LAT2: variants seen among roughly 807,000 people sequenced by gnomAD.
LAT2 encodes the protein linker for activation of T-cells family member 2.
LAT2 carries 23 observed loss-of-function variants against 43.4 expected under a neutral mutation model. The observed-to-expected ratio is 0.53, with a 90% CI of 0.38 to 0.75. The LOEUF (loss-of-function observed/expected upper bound fraction) is 0.75. LAT2 is among the 30% of genes least tolerant of loss of function. The pLI is 0.00. For missense variants in LAT2, 284 were observed against 310.2 expected, an observed-to-expected ratio of 0.92 and a Z score of 0.64; for synonymous variants, 128 against 123.2, an observed-to-expected ratio of 1.04 and a Z score of -0.26.
At chr7:74,228,420 G>A (rs1802573848) in intron 13 of LAT2, among the ~76,000 whole-genome samples, 2 of 151,192 alleles carry the variant, frequency 1.3e-5, no homozygotes, top group African/African-American at 4.9e-5. Flanking sequence ...AGCTTGCAGT[G>A]AGCCGAGATC....
chr7:74,219,684 C>T, intron 4 of LAT2, 60 bp from the exon 5 acceptor site: 1 of 1,601,092 alleles, frequency 6.2e-7, no homozygotes, highest in Non-Finnish European at 8.6e-7. Context: ...CCCTCCTGTC[C>T]CTGTGTTCTT....
At chr7:74,219,641 C>G (rs1417341318) in intron 4 of LAT2, 103 bp from the exon 5 acceptor site, 4 of 1,421,118 alleles carry the variant, frequency 2.8e-6, no homozygotes, top group Non-Finnish European at 4.0e-6. Flanking sequence ...CAGTCCGTCC[C>G]TCTGCTTTCC....
At chr7:74,226,760 G>C (rs2116201468) in intron 13 of LAT2, among the ~76,000 whole-genome samples, 1 of 152,308 alleles carries the variant, frequency 6.6e-6, no homozygotes, top group East Asian at 1.9e-4. Flanking sequence ...AAGTAGTGTG[G>C]GGTTGTGGGC....
chr7:74,224,917 C>A (rs1217670218), intron 13 of LAT2, 157 bp downstream of exon 13: 10 of 556,240 alleles, frequency 1.8e-5, no homozygotes, highest in Non-Finnish European at 3.2e-5. Flanking sequence ...GGCAGCTTGG[C>A]GACTCTGTTC....
At chr7:74,217,698 C>T (rs1802093973) in intron 4 of LAT2, among the ~76,000 whole-genome samples, 1 of 152,174 alleles carries the variant, frequency 6.6e-6, no homozygotes, top group Admixed American at 6.5e-5. Context: ...GGGTTCGACA[C>T]TGCAGACTGG....
At position 74,214,189 on chromosome 7, in the gene LAT2, AAT is replaced by A. The variant is rs1232221215; in HGVS notation, c.-218-624_-218-623del. On this transcript the variant is annotated intron_variant, in intron 1 of 13. Transcript: ENST00000460943. ...AAATATATATATGAAAATATATATA[AAT>A]ATATATATGAAAATATATATGAAAA... 1.2e-3 allele frequency among the ~76,000 whole-genome samples: 117 copies of A among 96,444 alleles called. 2 individuals are homozygous for A. The highest frequency in any genetic ancestry group is 1.8e-3 in the Non-Finnish European group (96 of 53,330). The allele number at this position is 96,444 out of a possible 152,430, so 63.3% of individuals were successfully genotyped here.
chr7:74,222,643 G>A (rs1802331819), intron 10 of LAT2, among the ~76,000 whole-genome samples: 1 of 151,730 alleles, frequency 6.6e-6, no homozygotes. Flanking sequence ...TCACGATCTT[G>A]GTTCACTGCA....
At position 74,220,811 on chromosome 7, in the gene LAT2, CT is replaced by C. The variant is rs1347226874; in HGVS notation, c.332+78del. 7.9e-7 allele frequency: 1 copy of C among 1,262,562 alleles called. No individual in the cohort carries two copies. Among genetic ancestry groups the C allele is most frequent in the East Asian group, 2.6e-5 (1 of 38,920 alleles). The allele number at this position is 1,262,562 out of a possible 1,614,324, so 78.2% of individuals were successfully genotyped here. ...CTCTCCCCCTGCCCCACCTCTCCCC[CT>C]GCCCCACCTGCCTGCCACAGCCCTG... On this transcript the variant is annotated intron_variant, in intron 9 of 13. Coordinates refer to ENST00000460943, the MANE Select transcript of LAT2 (RefSeq NM_032464.3). This position sits in a 1 kb window ranked among gnomAD's most constrained non-coding sequence, Gnocchi z 4.5.
chr7:74,214,138 GA>G (rs1476832384), intron 1 of LAT2, among the ~76,000 whole-genome samples: 1 of 43,438 alleles, frequency 2.3e-5, no homozygotes, highest in Non-Finnish European at 4.0e-5. Context: ...ATATATATAT[GA>G]AAATATATAT....
chr7:74,221,700 G>A lies in LAT2; in HGVS notation c.388+8G>A, dbSNP rs558125402. The A allele has an allele frequency of 1.0e-4, 169 of 1,610,134 alleles. 1 individual carries two copies. Among genetic ancestry groups the A allele is most frequent in the South Asian group, 7.5e-4 (68 of 90,784 alleles). ...TCTCGAAGCCCCCAGAAGGTGAGGC[G>A]AAGGACAAAGCCGGAGGTGGAGGAA... On this transcript the variant is annotated splice_region_variant and intron_variant, in intron 10 of 13. Coordinates refer to ENST00000460943, the MANE Select transcript of LAT2 (RefSeq NM_032464.3).
intron 4 of LAT2, 42 bp from the exon 5 acceptor site, chr7:74,219,702 G>A: frequency 6.2e-7 from 1 of 1,613,056 alleles, no homozygotes; most frequent in Non-Finnish European, 8.5e-7. Flanking sequence ...CTTGGGCTGT[G>A]GGAGTCCAGG....
At chr7:74,221,239 A>G (rs1802262661) in intron 9 of LAT2, among the ~76,000 whole-genome samples, 1 of 151,816 alleles carries the variant, frequency 6.6e-6, no homozygotes, top group Non-Finnish European at 1.5e-5. Context: ...AACATGGTGA[A>G]ACCTCATCTC....
intron 13 of LAT2, chr7:74,226,485 C>T (rs1362125037): frequency 2.6e-5 from 4 of 151,224 alleles, no homozygotes; most frequent in African/African-American, 9.8e-5. Context: ...AGCAAGACCC[C>T]ATCTCAAAAA....
intron 13 of LAT2, among the ~76,000 whole-genome samples, chr7:74,227,043 A>C (rs1802514290): frequency 6.8e-6 from 1 of 146,584 alleles, no homozygotes; most frequent in African/African-American, 2.5e-5. Flanking sequence ...GGAGATAGAA[A>C]GGTTGTTTTT....
intron 13 of LAT2, among the ~76,000 whole-genome samples, chr7:74,227,127 C>T (rs531100311): frequency 2.1e-4 from 32 of 151,500 alleles, no homozygotes; most frequent in Non-Finnish European, 3.5e-4. Flanking sequence ...CTGCAAACTC[C>T]GCCTCCTGGG....
At chr7:74,211,311 C>T (rs1207049356) in intron 1 of LAT2, among the ~76,000 whole-genome samples, 1 of 152,200 alleles carries the variant, frequency 6.6e-6, no homozygotes, top group Non-Finnish European at 1.5e-5. Context: ...GAGTCTCACT[C>T]TGTTGTCCAG....
At chr7:74,211,485 C>A (rs781834319) in intron 1 of LAT2, among the ~76,000 whole-genome samples, 3 of 151,982 alleles carry the variant, frequency 2.0e-5, no homozygotes, top group Non-Finnish European at 4.4e-5. Flanking sequence ...TGGAGACAGT[C>A]TTGCTCTGTC....
chr7:74,228,362 G>A (rs1483895890), intron 13 of LAT2, among the ~76,000 whole-genome samples: 1 of 151,258 alleles, frequency 6.6e-6, no homozygotes, highest in Non-Finnish European at 1.5e-5. Flanking sequence ...TGTAGTCCCA[G>A]CTACTTGGGA....
rs1463312918 is a variant in LAT2, at chr7:74,220,934, CTT to C, written c.332+201_332+202del. 6.6e-6 allele frequency among the ~76,000 whole-genome samples: 1 copy of C among 152,154 alleles called. No homozygotes were observed. The highest frequency in any genetic ancestry group is 1.9e-4 in the East Asian group (1 of 5,184). ...CAGGCATTGGGCGACACTGTTGTCT[CTT>C]AGGTAACCCTGGGTTTGGGGGACTG... On this transcript the variant is annotated intron_variant, in intron 9 of 13. Coordinates refer to ENST00000460943, the MANE Select transcript of LAT2 (RefSeq NM_032464.3). The surrounding 1 kb of genome is among the most constrained non-coding windows in gnomAD (Gnocchi z 4.5).
Sources: gnomAD v4.1 joint callset for allele counts (sites outside exome capture counted in the v4.1 genomes callset) on GRCh38, gnomAD v4.1.1 for gene constraint, Gnocchi (gnomAD v3.1) non-coding constraint, MANE v1.5 for transcripts, NCBI Gene and HGNC (gene_info 2026-07-23, HGNC 2026-07-21) for gene names.